AVL9: variants seen among roughly 807,000 people sequenced by gnomAD.
AVL9 encodes the protein AVL9 cell migration associated, also known as late secretory pathway protein AVL9 homolog.
AVL9 carries 49 observed loss-of-function variants against 79.2 expected under a neutral mutation model. That is an observed-to-expected ratio of 0.62 (90% CI 0.49 to 0.79). AVL9 has a LOEUF of 0.79. Among genes scored for constraint, AVL9 ranks in the 30% least tolerant of loss-of-function variants. The pLI is 0.00. For missense variants in AVL9, 682 were observed against 776.8 expected (o/e 0.88, Z 1.45); for synonymous variants, 299 against 280.6 (o/e 1.07, Z -0.65).
At chr7:32,553,704 G>A (rs1283124990) in intron 6 of AVL9, 23 bp from the exon 7 acceptor site, 5 of 1,598,856 alleles carry the variant, frequency 3.1e-6, no homozygotes, top group Non-Finnish European at 3.4e-6. Context: ...AGTCACACTT[G>A]AGCTTTTTTG....
chr7:32,557,984 T>G (rs992727186), intron 8 of AVL9, among the ~76,000 whole-genome samples: 3 of 151,220 alleles, frequency 2.0e-5, no homozygotes, highest in African/African-American at 7.3e-5. Context: ...GCCTCCTGAG[T>G]AGCTGGGATT....
rs183462327 is a variant in AVL9 at position 32,551,864 on chromosome 7, A to T, written c.463-365A>T. Among the ~76,000 whole-genome samples, 108 of 152,300 alleles carry T rather than the reference A, an allele frequency of 7.1e-4. 1 individual carries two copies. In the Middle Eastern group the frequency reaches 0.024, roughly 34 times the overall value. ...CAGTGCTGCCATTCATGTAAAGAATATGGATCTCTCTTGGATTCTGGTGGG... is the reference window on the plus strand; with the variant it reads ...CAGTGCTGCCATTCATGTAAAGAATTTGGATCTCTCTTGGATTCTGGTGGG... On this transcript the variant is annotated intron_variant, in intron 5 of 15. Transcript: ENST00000318709.
intron 8 of AVL9, among the ~76,000 whole-genome samples, chr7:32,557,656 A>T (rs1221729072): frequency 2.0e-5 from 3 of 152,122 alleles, no homozygotes; most frequent in Non-Finnish European, 4.4e-5. Context: ...AGTATTGGTG[A>T]TGTGAAGTTC....
chr7:32,560,483 TC>T (rs1159751717), intron 10 of AVL9, among the ~76,000 whole-genome samples: 1 of 152,116 alleles, frequency 6.6e-6, no homozygotes, highest in Non-Finnish European at 1.5e-5. Flanking sequence ...CCTCATCCGT[TC>T]AAGTTTTTAT....
At chr7:32,569,604 G>A (rs1008300457) in intron 10 of AVL9, among the ~76,000 whole-genome samples, 6 of 152,144 alleles carry the variant, frequency 3.9e-5, no homozygotes, top group Non-Finnish European at 7.3e-5. Context: ...ATAGTGCTTC[G>A]GTGGTTATGT....
intron 13 of AVL9, among the ~76,000 whole-genome samples, chr7:32,577,479 C>G (rs765622223): frequency 2.0e-5 from 3 of 152,122 alleles, no homozygotes; most frequent in Non-Finnish European, 4.4e-5. Flanking sequence ...ACAACAAAGT[C>G]TCTATTCTCA....
intron 12 of AVL9, among the ~76,000 whole-genome samples, chr7:32,574,552 G>T (rs898249802): frequency 7.2e-5 from 11 of 152,172 alleles, no homozygotes; most frequent in African/African-American, 2.6e-4. Flanking sequence ...CCAGGAGGCT[G>T]TAAGCACTGA....
At chr7:32,565,790 CT>C (rs1790539147) in intron 10 of AVL9, among the ~76,000 whole-genome samples, 1 of 151,946 alleles carries the variant, frequency 6.6e-6, no homozygotes, top group Non-Finnish European at 1.5e-5. Context: ...GGCACATCAT[CT>C]GAGGTCAAGA....
chr7:32,548,152 T>TTTTGTTTTCTTTTTGTTTTG (rs1554340937), intron 3 of AVL9, among the ~76,000 whole-genome samples: 1 of 43,586 alleles, frequency 2.3e-5, no homozygotes, highest in Non-Finnish European at 5.2e-5. Flanking sequence ...CTCTTTTTTC[T>TTTTGTTTTCTTTTTGTTTTG]TTTTTTTTTT....
intron 1 of AVL9, among the ~76,000 whole-genome samples, chr7:32,501,227 C>T (rs1192620163): frequency 6.6e-6 from 1 of 152,158 alleles, no homozygotes; most frequent in Non-Finnish European, 1.5e-5. Context: ...ACAGATGACT[C>T]ACTGACAAGC....
At chr7:32,556,226 T>A (rs1273061174) in intron 8 of AVL9, among the ~76,000 whole-genome samples, 1 of 152,142 alleles carries the variant, frequency 6.6e-6, no homozygotes, top group Admixed American at 6.6e-5. Context: ...AAATATATAT[T>A]CCTTCAGGCT....
At chr7:32,506,144 C>CA (rs929059697) in intron 1 of AVL9, among the ~76,000 whole-genome samples, 2 of 151,862 alleles carry the variant, frequency 1.3e-5, no homozygotes, top group African/African-American at 4.8e-5. Flanking sequence ...AAGAGATTAA[C>CA]AAAAAAATTT....
chr7:32,580,752 A>AT lies in AVL9; in HGVS notation c.1743-43dup, dbSNP rs767515377. 18 of 1,401,944 alleles carry AT rather than the reference A, an allele frequency of 1.3e-5. No homozygotes were observed. The South Asian group carries it at 1.3e-4, about 10-fold the overall frequency. 86.8% of individuals were successfully genotyped at this position (1,401,944 alleles called of 1,614,324 possible). A position where few individuals can be genotyped will look rare whatever the true frequency, so the allele number is the denominator to read the frequency against. ...ATATGTGTCTGTGTGCGTGTGTGAG[A>AT]TTTTTTTAAAATTGTACCTAACACT... On this transcript the variant is annotated intron_variant, in intron 14 of 15. Coordinates refer to ENST00000318709, the MANE Select transcript of AVL9 (RefSeq NM_015060.3).
chr7:32,560,285 TTAAA>T (rs1203453068), intron 10 of AVL9, among the ~76,000 whole-genome samples: 19 of 151,528 alleles, frequency 1.3e-4, no homozygotes, highest in East Asian at 3.9e-4. Context: ...TGAATAAAAC[TTAAA>T]TAATAATGTT....
chr7:32,585,076 T>A lies in AVL9; in HGVS notation c.*1169T>A, dbSNP rs1791715405. 1 of 152,240 alleles carries A rather than the reference T, an allele frequency of 6.6e-6. No homozygotes were observed. Among genetic ancestry groups the A allele is most frequent in the East Asian group, 1.9e-4 (1 of 5,194 alleles). The allele number at this position is 152,240 out of a possible 1,614,324, so 9.4% of individuals were successfully genotyped here. A position where few individuals can be genotyped will look rare whatever the true frequency, so the allele number is the denominator to read the frequency against. On this transcript the variant is annotated 3_prime_UTR_variant, in exon 16 of 16. Coordinates refer to ENST00000318709, the MANE Select transcript of AVL9 (RefSeq NM_015060.3). Reference sequence around the variant, plus strand: ...TGAGCCACTGCGCCTGGCCTGTTTCTTTTTTAAACAGTTTTCTATTGGGTG... The same window carrying A: ...TGAGCCACTGCGCCTGGCCTGTTTCATTTTTAAACAGTTTTCTATTGGGTG...
intron 6 of AVL9, among the ~76,000 whole-genome samples, chr7:32,552,576 T>A (rs1000748420): frequency 2.6e-5 from 4 of 151,992 alleles, no homozygotes; most frequent in Non-Finnish European, 5.9e-5. Flanking sequence ...TGGATAGCAT[T>A]TTCTCACCCA....
chr7:32,542,015 A>G (rs920011147), intron 1 of AVL9, among the ~76,000 whole-genome samples: 3 of 151,936 alleles, frequency 2.0e-5, no homozygotes, highest in Non-Finnish European at 2.9e-5. Flanking sequence ...TGCCCAGCCA[A>G]TTTTTCAGTT....
chr7:32,573,169 G>T (rs1345782232), intron 11 of AVL9, 30 bp from the exon 12 acceptor site: 2 of 1,591,864 alleles, frequency 1.3e-6, no homozygotes, highest in East Asian at 2.2e-5. Flanking sequence ...TGAATGCCCA[G>T]ACTCTGACTT....
intron 13 of AVL9, among the ~76,000 whole-genome samples, chr7:32,578,781 T>C (rs1791216996): frequency 1.3e-5 from 2 of 152,300 alleles, no homozygotes; most frequent in East Asian, 3.9e-4. Flanking sequence ...CACTCCAGCC[T>C]GGGTAACAGT....
Sources: allele counts gnomAD v4.1 joint callset (sites outside exome capture counted in the v4.1 genomes callset), GRCh38; gene constraint gnomAD v4.1.1; transcripts MANE v1.5; gene names NCBI Gene and HGNC (gene_info 2026-07-23, HGNC 2026-07-21).